The following ANKRD11 variants were observed in gnomAD, a reference collection of about 807,000 sequenced individuals.
The protein encoded by ANKRD11 is ankyrin repeat domain-containing protein 11.
In ANKRD11, 17 loss-of-function variants were observed where a neutral mutation model predicts 195.7. The ratio of observed to expected loss-of-function variants is 0.09; its 90% CI spans 0.06 to 0.13. The LOEUF (loss-of-function observed/expected upper bound fraction) is 0.13, where lower values mean the gene tolerates loss of function less well. Ranked by LOEUF, ANKRD11 falls within the 10% of genes least tolerant of loss-of-function variation. ANKRD11 has a pLI of 1.00. For synonymous variants in ANKRD11, 1,953 were observed against 1,528.1 expected (o/e 1.28, Z -6.49); for missense variants, 3,735 against 3,566.1 (o/e 1.05, Z -1.21).
intron 1 of ANKRD11, among the ~76,000 whole-genome samples, chr16:89,479,632 C>T (rs1249729585): frequency 1.3e-5 from 1 of 78,006 alleles, no homozygotes; most frequent in African/African-American, 3.8e-5. Flanking sequence ...GAAACTCCGC[C>T]CCCAAAAAAA....
chr16:89,426,425 G>A (rs562742086), intron 1 of ANKRD11, among the ~76,000 whole-genome samples: 2 of 151,868 alleles, frequency 1.3e-5, no homozygotes, highest in Admixed American at 6.6e-5. Flanking sequence ...AACCAGCGCC[G>A]GCCGAGTTCA....
chr16:89,339,530 CG>C (rs2038554862), intron 2 of ANKRD11, among the ~76,000 whole-genome samples: 8 of 152,128 alleles, frequency 5.3e-5, no homozygotes, highest in African/African-American at 1.7e-4. Context: ...CAAACCATTT[CG>C]GAAATTTAGA....
At chr16:89,403,542 C>G (rs935400208) in intron 2 of ANKRD11, 1 of 152,000 alleles carries the variant, frequency 6.6e-6, no homozygotes, top group Non-Finnish European at 1.5e-5. Context: ...TGGGCAATGA[C>G]AGTAGCTTAA....
chr16:89,435,577 C>T (rs1345253533), intron 1 of ANKRD11, among the ~76,000 whole-genome samples: 1 of 152,118 alleles, frequency 6.6e-6, no homozygotes, highest in African/African-American at 2.4e-5. Flanking sequence ...TCTGAAGGAA[C>T]AAACTCCGGA....
At chr16:89,305,162 C>G in intron 4 of ANKRD11, 44 bp downstream of exon 4, 2 of 1,602,534 alleles carry the variant, frequency 1.2e-6, no homozygotes, top group Non-Finnish European at 1.7e-6. Context: ...CTGCTCCGGG[C>G]TGCCTGTGGA....
Position 89,441,542 on chromosome 16 carries a change from C to T in ANKRD11, c.-144-23174G>A, listed in dbSNP as rs186181528. ...CAGCACTTTGGGAGGCCAAGGCGGGCGGATCACGAGGTCAGCAGATGGAGA... is the reference window on the plus strand; with the variant it reads ...CAGCACTTTGGGAGGCCAAGGCGGGTGGATCACGAGGTCAGCAGATGGAGA... On this transcript the variant is annotated intron_variant, in intron 1 of 12. Coordinates refer to ENST00000301030, the MANE Select transcript of ANKRD11 (RefSeq NM_013275.6). Among the ~76,000 whole-genome samples, 382 of 152,020 alleles carry T rather than the reference C, an allele frequency of 2.5e-3. 5 individuals carry two copies. Among genetic ancestry groups the T allele is most frequent in the South Asian group, 0.017 (84 of 4,822 alleles).
At chr16:89,340,747 A>C (rs1246613744) in intron 2 of ANKRD11, among the ~76,000 whole-genome samples, 1 of 152,250 alleles carries the variant, frequency 6.6e-6, no homozygotes, top group Non-Finnish European at 1.5e-5. Context: ...GTTCATTGGC[A>C]AAACAAAATC....
At chr16:89,323,070 T>G (rs550792666) in intron 2 of ANKRD11, 1 of 303,444 alleles carries the variant, frequency 3.3e-6, no homozygotes, top group East Asian at 1.1e-4. Context: ...GTCTGAAGGA[T>G]GCTTTACGGC....
chr16:89,488,271 T>C (rs1202129002), intron 1 of ANKRD11, among the ~76,000 whole-genome samples: 1 of 152,034 alleles, frequency 6.6e-6, no homozygotes, highest in Non-Finnish European at 1.5e-5. Flanking sequence ...TGGTCTTTGT[T>C]CCCTCCCATC....
At chr16:89,441,153 G>A (rs4785564) in intron 1 of ANKRD11, among the ~76,000 whole-genome samples, 2,323 of 151,670 alleles carry the variant, frequency 0.015, 23 homozygotes, top group Non-Finnish European at 0.022. Context: ...GGAAAATGGC[G>A]TGAACCTGAG....
At chr16:89,319,992 G>T (rs1473121441) in intron 2 of ANKRD11, 1 of 152,394 alleles carries the variant, frequency 6.6e-6, no homozygotes, top group African/African-American at 2.4e-5. Flanking sequence ...CCGTGAAATG[G>T]CAGAGCCAGC....
chr16:89,439,066 G>T (rs773806748), intron 1 of ANKRD11, among the ~76,000 whole-genome samples: 24 of 145,748 alleles, frequency 1.6e-4, no homozygotes, highest in Non-Finnish European at 2.3e-4. Context: ...AAAAAAAAAA[G>T]AACTGTATTC....
At chr16:89,303,691 G>A (rs1027194049) in intron 4 of ANKRD11, among the ~76,000 whole-genome samples, 4 of 152,152 alleles carry the variant, frequency 2.6e-5, no homozygotes, top group Non-Finnish European at 4.4e-5. Context: ...TCTCCACCTG[G>A]CTACTGTGAG....
Position 89,279,755 on chromosome 16 carries a change from G to C in ANKRD11, c.6787C>G (p.Pro2263Ala). Residue 2263 changes from proline to alanine, a missense_variant, in exon 9 of 13, where the codon CCC (proline) becomes GCC (alanine). By Grantham distance (27) the Pro-to-Ala change is conservative. Coordinates refer to ENST00000301030, the MANE Select transcript of ANKRD11 (RefSeq NM_013275.6). The surrounding 1 kb of genome is among the most constrained non-coding windows in gnomAD (Gnocchi z 5.6). Reference protein sequence around the residue: ...SGDQGAEAEGPPAASLCAPDG... With the variant: ...SGDQGAEAEGAPAASLCAPDG... ...GGGGCACAGAGGGACGCGGCGGGGG[G>C]GCCTTCAGCCTCAGCCCCCTGGTCT... 1 of 1,524,006 alleles carries C rather than the reference G, an allele frequency of 6.6e-7. No homozygotes were observed. The highest frequency in any genetic ancestry group is 1.2e-5 in the South Asian group (1 of 83,456). 94.4% of individuals were successfully genotyped at this position (1,524,006 alleles called of 1,614,324 possible). A position where few individuals can be genotyped will look rare whatever the true frequency, so the allele number is the denominator to read the frequency against.
intron 2 of ANKRD11, among the ~76,000 whole-genome samples, chr16:89,382,541 G>A (rs1337548138): frequency 1.3e-5 from 2 of 151,964 alleles, no homozygotes; most frequent in Non-Finnish European, 2.9e-5. Context: ...TGGCCAGGCT[G>A]GTCTCGAACT....
At chr16:89,425,578 C>G (rs2042683377) in intron 1 of ANKRD11, among the ~76,000 whole-genome samples, 1 of 152,196 alleles carries the variant, frequency 6.6e-6, no homozygotes, top group Admixed American at 6.5e-5. Context: ...TCTGATCAAA[C>G]CATTCTCCTG....
chr16:89,428,260 T>G (rs546733539), intron 1 of ANKRD11, among the ~76,000 whole-genome samples: 37 of 151,988 alleles, frequency 2.4e-4, no homozygotes, highest in South Asian at 6.2e-4. Flanking sequence ...GCACGGTGGT[T>G]CACGCCTATA....
chr16:89,276,997 A>C (rs1335399105), intron 9 of ANKRD11, among the ~76,000 whole-genome samples: 1 of 151,254 alleles, frequency 6.6e-6, no homozygotes, highest in Admixed American at 6.6e-5. Context: ...TGGAGCTTGC[A>C]GTGAGCCGAC....
chr16:89,310,021 C>T (rs1464037572), intron 3 of ANKRD11, among the ~76,000 whole-genome samples: 3 of 152,214 alleles, frequency 2.0e-5, no homozygotes, highest in African/African-American at 7.2e-5. Context: ...GGGAAGCACA[C>T]ACAGAGGAAA....
Sources: allele counts gnomAD v4.1 joint callset (sites outside exome capture counted in the v4.1 genomes callset), GRCh38; gene constraint gnomAD v4.1.1; non-coding constraint Gnocchi (gnomAD v3.1); transcripts MANE v1.5; gene names NCBI Gene and HGNC (gene_info 2026-07-23, HGNC 2026-07-21).